Variants in TRPM3 observed in about 807,000 individuals in gnomAD.
TRPM3 encodes transient receptor potential cation channel subfamily M member 3, also known as long transient receptor potential channel 3.
TRPM3 carries 77 observed loss-of-function variants against 181.2 expected under a neutral mutation model. That is an observed-to-expected ratio of 0.42 (90% CI 0.35 to 0.51). The LOEUF is 0.51. TRPM3 is among the 20% of genes least tolerant of loss of function. TRPM3 has a pLI of 0.01. For missense variants in TRPM3, 1,759 were observed against 2,196.7 expected, an observed-to-expected ratio of 0.80 and a Z score of 3.98; for synonymous variants, 745 against 796.4, an observed-to-expected ratio of 0.94 and a Z score of 1.09.
intron 6 of TRPM3, among the ~76,000 whole-genome samples, chr9:70,813,912 C>G (rs1419141412): frequency 6.6e-6 from 1 of 152,172 alleles, no homozygotes. Context: ...AGCACTCAAT[C>G]AACACTAGTT....
At chr9:71,014,731 T>C (rs1178945632) in intron 1 of TRPM3, among the ~76,000 whole-genome samples, 2 of 152,138 alleles carry the variant, frequency 1.3e-5, no homozygotes, top group African/African-American at 4.8e-5. Context: ...GGAATCACTT[T>C]TAGGCATATA....
At chr9:70,756,489 A>G in intron 8 of TRPM3, among the ~76,000 whole-genome samples, 1 of 152,170 alleles carries the variant, frequency 6.6e-6, no homozygotes, top group South Asian at 2.1e-4. Context: ...TGGACCAAGC[A>G]GACCTAATAG....
intron 7 of TRPM3, among the ~76,000 whole-genome samples, chr9:70,780,049 T>C (rs1451396226): frequency 6.6e-6 from 1 of 152,180 alleles, no homozygotes; most frequent in Non-Finnish European, 1.5e-5. Context: ...TCCTAAGTAA[T>C]CTCAACTACA....
Position 71,328,083 on chromosome 9 carries a change from A to AG in TRPM3, c.183+118569_183+118570insC, listed in dbSNP as rs541160632. 7.7e-4 allele frequency among the ~76,000 whole-genome samples: 116 copies of AG among 150,644 alleles called. 1 individual carries two copies. Among genetic ancestry groups the AG allele is most frequent in the African/African-American group, 2.7e-3 (109 of 40,948 alleles). Reference sequence around the variant, plus strand: ...TTTTCTGAATTAAAAAAAAAAAACAAAAAAAAAACCCCAAGTGACAAGAGT... The same window carrying AG: ...TTTTCTGAATTAAAAAAAAAAAACAAGAAAAAAAACCCCAAGTGACAAGAGT... On this transcript the variant is annotated intron_variant, in intron 1 of 24. Coordinates refer to the TRPM3 transcript ENST00000357533.
chr9:71,349,947 A>G (rs1039818363), intron 1 of TRPM3, among the ~76,000 whole-genome samples: 1 of 149,184 alleles, frequency 6.7e-6, no homozygotes, highest in Admixed American at 6.8e-5. Flanking sequence ...CTCCATCATA[A>G]TAATGATCTC....
chr9:70,876,416 A>G (rs190804304), intron 1 of TRPM3, among the ~76,000 whole-genome samples: 1 of 151,368 alleles, frequency 6.6e-6, no homozygotes, highest in Non-Finnish European at 1.5e-5. Context: ...GTATCACTAT[A>G]CATTATATGT....
intron 1 of TRPM3, among the ~76,000 whole-genome samples, chr9:71,336,503 T>C (rs1033383650): frequency 1.3e-5 from 2 of 152,122 alleles, no homozygotes; most frequent in African/African-American, 4.8e-5. Flanking sequence ...GAAGAATCAA[T>C]ATCATGAAAA....
intron 9 of TRPM3, among the ~76,000 whole-genome samples, chr9:70,672,498 C>G (rs1449741543): frequency 6.6e-6 from 1 of 152,148 alleles, no homozygotes; most frequent in Non-Finnish European, 1.5e-5. Flanking sequence ...GTCATGTGAA[C>G]TTACAAATCT....
intron 1 of TRPM3, among the ~76,000 whole-genome samples, chr9:70,883,481 CAG>C (rs2096031366): frequency 6.6e-6 from 1 of 152,126 alleles, no homozygotes; most frequent in Admixed American, 6.5e-5. Flanking sequence ...CAGTTAGAAA[CAG>C]AAATGCTGTG....
rs144930912 is a variant in TRPM3, at chr9:71,393,979, G to A, written c.183+52674C>T. Among the ~76,000 whole-genome samples, 79 of 152,184 alleles carry A rather than the reference G, an allele frequency of 5.2e-4. 1 individual carries two copies. The East Asian group carries it at 0.012, about 23-fold the overall frequency. On this transcript the variant is annotated intron_variant, in intron 1 of 24. Coordinates refer to the TRPM3 transcript ENST00000357533. ...ATAGTCTTCAGGAGGTCTGGAGACCGCTTTACAATACAGAAAAAAAAATGT... is the reference window on the plus strand; with the variant it reads ...ATAGTCTTCAGGAGGTCTGGAGACCACTTTACAATACAGAAAAAAAAATGT...
At chr9:70,669,905 TA>T (rs1179124777) in intron 9 of TRPM3, among the ~76,000 whole-genome samples, 1 of 152,062 alleles carries the variant, frequency 6.6e-6, no homozygotes, top group African/African-American at 2.4e-5. Context: ...CCTGGATATT[TA>T]AAAAAATTTT....
intron 1 of TRPM3, among the ~76,000 whole-genome samples, chr9:71,091,094 T>C (rs1264476666): frequency 2.6e-5 from 4 of 152,156 alleles, no homozygotes; most frequent in Non-Finnish European, 4.4e-5. Flanking sequence ...TTACTACCTT[T>C]GGACTTTGGC....
At chr9:71,023,008 C>G (rs1301192446) in intron 1 of TRPM3, among the ~76,000 whole-genome samples, 2 of 151,860 alleles carry the variant, frequency 1.3e-5, no homozygotes, top group African/African-American at 4.8e-5. Flanking sequence ...TGAATCTTAT[C>G]AAAATTAAAC....
chr9:71,169,412 T>C (rs1387347609), intron 1 of TRPM3, among the ~76,000 whole-genome samples: 3 of 152,208 alleles, frequency 2.0e-5, no homozygotes, highest in African/African-American at 4.8e-5. Flanking sequence ...TGTAGGTAAA[T>C]GTTATTTATA....
At chr9:71,007,376 C>T (rs2097691142) in intron 1 of TRPM3, among the ~76,000 whole-genome samples, 2 of 152,042 alleles carry the variant, frequency 1.3e-5, no homozygotes. Flanking sequence ...CAGACATTTA[C>T]AGTAAATTCC....
Position 71,222,748 on chromosome 9 carries a change from G to A in TRPM3, c.183+223905C>T, listed in dbSNP as rs138048337. On this transcript the variant is annotated intron_variant, in intron 1 of 24. Coordinates refer to the TRPM3 transcript ENST00000357533. ...TACGGTGTGGAAAGAGAATCTGTGT[G>A]CTTGGGGAAGGCAGAGCACAGTGAT... Among the ~76,000 whole-genome samples, 404 of 152,312 alleles carry A rather than the reference G, an allele frequency of 2.7e-3. 3 individuals carry two copies. The highest frequency in any genetic ancestry group is 8.5e-3 in the African/African-American group (355 of 41,568).
chr9:70,691,735 T>C (rs1047829205), intron 8 of TRPM3, among the ~76,000 whole-genome samples: 3 of 152,204 alleles, frequency 2.0e-5, no homozygotes, highest in Non-Finnish European at 4.4e-5. Flanking sequence ...ATAAAAGCAA[T>C]GCATACTTAT....
intron 1 of TRPM3, among the ~76,000 whole-genome samples, chr9:70,978,655 G>A (rs960345932): frequency 2.6e-5 from 4 of 152,190 alleles, no homozygotes; most frequent in African/African-American, 9.7e-5. Flanking sequence ...CCGTCATGGG[G>A]TAAGACATTT....
chr9:71,300,548 A>G (rs1436600833), intron 1 of TRPM3, among the ~76,000 whole-genome samples: 1 of 152,114 alleles, frequency 6.6e-6, no homozygotes, highest in African/African-American at 2.4e-5. Flanking sequence ...ACTCAAAACA[A>G]TGTCATGAAT....
Sources: gnomAD v4.1 joint callset for allele counts (sites outside exome capture counted in the v4.1 genomes callset) on GRCh38, gnomAD v4.1.1 for gene constraint, MANE v1.5 for transcripts, NCBI Gene and HGNC (gene_info 2026-07-23, HGNC 2026-07-21) for gene names.